The following TRAPPC9 variants were observed in gnomAD, a reference collection of about 807,000 sequenced individuals.
TRAPPC9 encodes the protein IKK2 binding protein.
In TRAPPC9, 83 loss-of-function variants were observed where a neutral mutation model predicts 124.0. The ratio of observed to expected loss-of-function variants is 0.67; its 90% CI spans 0.56 to 0.80. TRAPPC9 has a LOEUF of 0.80. TRAPPC9 is among the 30% of genes least tolerant of loss of function. The pLI, the probability that TRAPPC9 is intolerant of heterozygous loss-of-function variation, is 0.00. For synonymous variants in TRAPPC9, 638 were observed against 617.5 expected, an observed-to-expected ratio of 1.03 and a Z score of -0.49; for missense variants, 1,302 against 1,508.3, an observed-to-expected ratio of 0.86 and a Z score of 2.27.
chr8:140,350,335 A>G (rs980420792), intron 9 of TRAPPC9, among the ~76,000 whole-genome samples: 5 of 152,206 alleles, frequency 3.3e-5, no homozygotes, highest in Non-Finnish European at 7.3e-5. Flanking sequence ...AAGATGAGTG[A>G]CCTGCAAGGT....
chr8:140,358,909 G>A (rs541763094), intron 9 of TRAPPC9, among the ~76,000 whole-genome samples: 14 of 152,132 alleles, frequency 9.2e-5, no homozygotes, highest in African/African-American at 1.2e-4. Context: ...GGCCTGGCAC[G>A]GGGACAGGAA....
intron 21 of TRAPPC9, among the ~76,000 whole-genome samples, chr8:139,851,222 G>A (rs1827427579): frequency 6.6e-6 from 1 of 152,220 alleles, no homozygotes; most frequent in South Asian, 2.1e-4. Context: ...GCCGAGGAGA[G>A]CAGTATATCA....
intron 2 of TRAPPC9, among the ~76,000 whole-genome samples, chr8:140,443,398 T>A (rs1427932772): frequency 6.6e-6 from 1 of 150,778 alleles, no homozygotes. Context: ...ATCGCGCCAC[T>A]GCACTCCAGC....
chr8:139,744,028 C>T (rs1001979037), intron 21 of TRAPPC9, among the ~76,000 whole-genome samples: 8 of 152,154 alleles, frequency 5.3e-5, no homozygotes, highest in Non-Finnish European at 1.0e-4. Context: ...CACAGGTACA[C>T]GCGAACGTGC....
chr8:140,170,145 G>T (rs1386608897), intron 17 of TRAPPC9, among the ~76,000 whole-genome samples: 1 of 152,138 alleles, frequency 6.6e-6, no homozygotes, highest in African/African-American at 2.4e-5. Context: ...GCCCTATCAG[G>T]ATGCTCATAA....
At chr8:140,090,536 T>C (rs981286315) in intron 17 of TRAPPC9, among the ~76,000 whole-genome samples, 3 of 152,252 alleles carry the variant, frequency 2.0e-5, no homozygotes, top group African/African-American at 7.2e-5. Flanking sequence ...AGGTGACTCA[T>C]TTCCAGGTCA....
At chr8:140,002,411 A>T (rs899921731) in intron 18 of TRAPPC9, among the ~76,000 whole-genome samples, 8 of 152,194 alleles carry the variant, frequency 5.3e-5, no homozygotes, top group African/African-American at 1.7e-4. Flanking sequence ...CATAGATTTA[A>T]CAAAATTCCA....
chr8:140,193,622 G>GAAAAAAAAA (rs72383095), intron 17 of TRAPPC9, among the ~76,000 whole-genome samples: 3 of 77,334 alleles, frequency 3.9e-5, no homozygotes, highest in African/African-American at 1.5e-4. Flanking sequence ...TGTACTTTCA[G>GAAAAAAAAA]AAAAAAAAAA....
In TRAPPC9 at chr8:139,885,880, C is replaced by G; in HGVS notation, c.3054G>C (p.Trp1018Cys). 6.4e-7 allele frequency: 1 copy of G among 1,562,150 alleles called. No homozygotes were observed. The highest frequency in any genetic ancestry group is 1.4e-5 in the African/African-American group (1 of 73,866). ...LEHLQLAPLQWDVLVDGQPCD... is the reference protein window; with the variant it reads ...LEHLQLAPLQCDVLVDGQPCD... ...GATGGGTGGCTGGCGGGTACTCACCCCACTGCAGAGGCGCCAGCTGCAGGT... is the reference window on the plus strand; with the variant it reads ...GATGGGTGGCTGGCGGGTACTCACCGCACTGCAGAGGCGCCAGCTGCAGGT... Residue 1018 changes from tryptophan to cysteine, a missense_variant and splice_region_variant, in exon 21 of 23, where the codon TGG becomes TGC. Around this residue, in one of 3 missense-constraint regions of TRAPPC9, gnomAD observed 640 missense variants for 679.3 expected, o/e 0.94. Coordinates refer to ENST00000438773, the MANE Select transcript of TRAPPC9 (RefSeq NM_001160372.4).
At chr8:140,266,495 G>A (rs1187664795) in intron 15 of TRAPPC9, among the ~76,000 whole-genome samples, 1 of 149,946 alleles carries the variant, frequency 6.7e-6, no homozygotes, top group African/African-American at 2.5e-5. Context: ...TTGCTTACAC[G>A]TGAATTCAAA....
At chr8:139,884,697 C>T (rs749436199) in intron 21 of TRAPPC9, among the ~76,000 whole-genome samples, 4 of 152,198 alleles carry the variant, frequency 2.6e-5, no homozygotes. Flanking sequence ...AGAAAAGTGG[C>T]TGGGCTACAG....
rs181013467 is a variant in TRAPPC9 at position 140,363,302 on chromosome 8, G to A, written c.1352-3109C>T. Among the ~76,000 whole-genome samples the A allele has an allele frequency of 2.2e-3, 341 of 152,276 alleles. 1 individual carries two copies. The highest frequency in any genetic ancestry group is 4.0e-3 in the Non-Finnish European group (272 of 68,026). On this transcript the variant is annotated intron_variant, in intron 8 of 22. Coordinates refer to ENST00000438773, the MANE Select transcript of TRAPPC9 (RefSeq NM_001160372.4). ...ACACATCAGTGTTCCTTCCTCGACC[G>A]TCTATAACCAGCTAGTGCAAATGTT...
rs190552900 is a variant in TRAPPC9 at position 140,174,047 on chromosome 8, A to C, written c.2556+47412T>G. Among the ~76,000 whole-genome samples, 105 of 152,354 alleles carry C rather than the reference A, an allele frequency of 6.9e-4. 1 individual carries two copies. The highest frequency in any genetic ancestry group is 1.9e-4 in the Non-Finnish European group (13 of 68,038). On this transcript the variant is annotated intron_variant, in intron 17 of 22. Coordinates refer to ENST00000438773, the MANE Select transcript of TRAPPC9 (RefSeq NM_001160372.4). ...AGCCATTATAATCATTATTCAGAAG[A>C]CATGAGTTTGGGGGGTAAAGGGCAA...
rs989169814 is a variant in TRAPPC9, at chr8:140,173,036, T to C, written c.2556+48423A>G. 2.4e-4 allele frequency among the ~76,000 whole-genome samples: 37 copies of C among 152,262 alleles called. 1 individual carries two copies. The highest frequency in any genetic ancestry group is 3.4e-3 in the Middle Eastern group (1 of 294). ...TCATGGGGCCCTAAGCATGAGACAG[T>C]AGCTATGGAGACAGACACTGAGAAG... On this transcript the variant is annotated intron_variant, in intron 17 of 22. Transcript: ENST00000438773.
At chr8:139,899,790 C>T (rs1451356649) in intron 20 of TRAPPC9, among the ~76,000 whole-genome samples, 2 of 152,152 alleles carry the variant, frequency 1.3e-5, no homozygotes, top group African/African-American at 2.4e-5. Flanking sequence ...AATCCTGTCC[C>T]TAGTTGGCCT....
intron 21 of TRAPPC9, among the ~76,000 whole-genome samples, chr8:139,747,174 C>T (rs900574419): frequency 3.9e-5 from 6 of 152,208 alleles, no homozygotes; most frequent in African/African-American, 7.2e-5. Flanking sequence ...CAAAGACTCT[C>T]GCCACCCAGG....
At chr8:140,392,967 A>AT (rs1297425011) in intron 7 of TRAPPC9, among the ~76,000 whole-genome samples, 2 of 152,224 alleles carry the variant, frequency 1.3e-5, no homozygotes, top group African/African-American at 4.8e-5. Flanking sequence ...CTTTATATGC[A>AT]TTATTCTATC....
intron 20 of TRAPPC9, among the ~76,000 whole-genome samples, chr8:139,894,841 A>G (rs7820073): frequency 0.59 from 89,127 of 151,956 alleles, 26,331 homozygotes; most frequent in African/African-American, 0.65. Flanking sequence ...GCAGTGACCA[A>G]TCCTCACTGA....
intron 21 of TRAPPC9, among the ~76,000 whole-genome samples, chr8:139,820,260 A>G (rs372827098): frequency 1.0e-3 from 158 of 152,124 alleles, no homozygotes; most frequent in African/African-American, 3.7e-3. Context: ...GGCTTACTGC[A>G]GCCTCTGCCT....
Sources: gnomAD v4.1 joint callset for allele counts (sites outside exome capture counted in the v4.1 genomes callset) on GRCh38, gnomAD v4.1.1 for gene constraint, gnomAD v4.1.1 regional missense constraint, MANE v1.5 for transcripts, NCBI Gene and HGNC (gene_info 2026-07-23, HGNC 2026-07-21) for gene names.